Variants in HYDIN observed in about 807,000 individuals in gnomAD.
The protein encoded by HYDIN is HYDIN axonemal central pair apparatus protein, also known as axonemal central pair apparatus protein HYDIN.
A neutral mutation model predicts 403.9 loss-of-function variants in HYDIN; 132 were observed. That is an observed-to-expected ratio of 0.33 (90% CI 0.28 to 0.38). The LOEUF is 0.38. Ranked by LOEUF, HYDIN falls within the 10% of genes least tolerant of loss-of-function variation. The pLI, the probability that HYDIN is intolerant of heterozygous loss-of-function variation, is 1.00. For missense variants in HYDIN, 2,827 were observed against 5,009.5 expected, an observed-to-expected ratio of 0.56 and a Z score of 13.15; for synonymous variants, 1,202 against 1,891.7, an observed-to-expected ratio of 0.64 and a Z score of 9.46.
chr16:70,844,914 T>G (rs1234429740), intron 75 of HYDIN, among the ~76,000 whole-genome samples: 3 of 149,642 alleles, frequency 2.0e-5, no homozygotes, highest in Non-Finnish European at 4.4e-5. Flanking sequence ...TTGCTGAAGT[T>G]GCTTATCAGC....
At chr16:70,846,419 A>C (rs2038208259) in intron 75 of HYDIN, among the ~76,000 whole-genome samples, 1 of 151,356 alleles carries the variant, frequency 6.6e-6, no homozygotes, top group African/African-American at 2.4e-5. Flanking sequence ...GTTTGTTATA[A>C]TCTCTGTTCT....
At chr16:71,229,400 T>C (rs2041183141) in intron 1 of HYDIN, among the ~76,000 whole-genome samples, 1 of 152,154 alleles carries the variant, frequency 6.6e-6, no homozygotes, top group South Asian at 2.1e-4. Context: ...AACCTATCAA[T>C]CCTACTCCCA....
intron 14 of HYDIN, 142 bp downstream of exon 14, chr16:71,069,125 T>C (rs1399066667): frequency 7.2e-6 from 5 of 699,090 alleles, no homozygotes; most frequent in African/African-American, 1.8e-5. Context: ...TATTTCCTTA[T>C]AGGCCCACGT....
In HYDIN at chr16:70,829,816, C is replaced by T. The variant is rs771353898; in HGVS notation, c.13914G>A (p.Thr4638=). The change falls in exon 81 of 86, where the codon ACG becomes ACA. Residue 4638 remains threonine, a synonymous_variant. Coordinates refer to ENST00000393567, the MANE Select transcript of HYDIN (RefSeq NM_001270974.2). ...PPAVKEVVNF[T]CQVRSKHTQT... is the part of the protein sequence containing the mutation. ...GCGTGTGCTTGGAGCGCACCTGGCA[C>T]GTGAAATTCACTACCTGGAAGAAAG... 2.7e-5 allele frequency: 44 copies of T among 1,613,846 alleles called. No homozygotes were observed. The highest frequency in any genetic ancestry group is 2.1e-4 in the African/African-American group (16 of 74,930).
chr16:71,223,182 C>T (rs1357508374), intron 1 of HYDIN, among the ~76,000 whole-genome samples: 1 of 152,086 alleles, frequency 6.6e-6, no homozygotes, highest in Non-Finnish European at 1.5e-5. Context: ...TAATTACAGC[C>T]AACTGATATT....
At chr16:70,999,975 T>A (rs979721886) in intron 23 of HYDIN, among the ~76,000 whole-genome samples, 1 of 152,072 alleles carries the variant, frequency 6.6e-6, no homozygotes, top group Non-Finnish European at 1.5e-5. Flanking sequence ...TTAGAAAGGC[T>A]GCCAAACAGG....
chr16:71,133,264 G>C (rs1005214508), intron 8 of HYDIN: 1 of 456,238 alleles, frequency 2.2e-6, no homozygotes, highest in Non-Finnish European at 4.4e-6. Context: ...ACTTGGCCTG[G>C]AACAAATGGA....
In HYDIN at chr16:70,892,468, G is replaced by A; in HGVS notation, c.9310C>T (p.Pro3104Ser). The stretch of plus-strand genomic sequence containing the variant: ...GTTGGGGTCAGTGAACCCTTTTTGG[G>A]TTGGACTGAGATCATGGAATTTATA... Reference protein sequence around the residue: ...PNINSMISVQPKKGSLTPTEK... With the variant: ...PNINSMISVQSKKGSLTPTEK... Residue 3104 changes from proline (P) to serine (S), a missense_variant, in exon 56 of 86, where the codon CCC (proline) becomes TCC (serine). Pro to Ser is a moderately conservative substitution (Grantham distance 74). Coordinates refer to ENST00000393567, the MANE Select transcript of HYDIN (RefSeq NM_001270974.2). 6.3e-7 allele frequency: 1 copy of A among 1,599,040 alleles called. No homozygotes were observed. The highest frequency in any genetic ancestry group is 8.5e-7 in the Non-Finnish European group (1 of 1,175,106).
Position 70,992,982 on chromosome 16 carries a change from C to T in HYDIN, c.3645-772G>A, listed in dbSNP as rs1217550451. Among the ~76,000 whole-genome samples the T allele has an allele frequency of 2.0e-5, 3 of 152,194 alleles. No homozygotes were observed. The South Asian group carries it at 6.2e-4, about 32-fold the overall frequency. On this transcript the variant is annotated intron_variant, in intron 23 of 85. Coordinates refer to ENST00000393567, the MANE Select transcript of HYDIN (RefSeq NM_001270974.2). ...CCCTCTCTGACCCTCCCCAACCTAT[C>T]TCAAGCCCTTGATGTTAATTTCAAT...
intron 84 of HYDIN, among the ~76,000 whole-genome samples, chr16:70,817,895 C>T (rs1322264208): frequency 1.3e-5 from 2 of 152,054 alleles, no homozygotes; most frequent in African/African-American, 2.4e-5. Context: ...GCGCCCACCA[C>T]CATGCTGGGC....
At chr16:71,140,984 A>G (rs1241668839) in intron 7 of HYDIN, among the ~76,000 whole-genome samples, 3 of 151,760 alleles carry the variant, frequency 2.0e-5, no homozygotes, top group East Asian at 3.9e-4. Flanking sequence ...GATCTAAGGA[A>G]AAAAAATGGT....
intron 35 of HYDIN, among the ~76,000 whole-genome samples, chr16:70,971,320 C>G (rs1294112566): frequency 6.6e-6 from 1 of 152,276 alleles, no homozygotes; most frequent in Non-Finnish European, 1.5e-5. Context: ...AATGCCAGAG[C>G]TGGGGCATTC....
chr16:71,067,443 A>G, intron 14 of HYDIN, 53 bp from the exon 15 acceptor site: 1 of 1,103,748 alleles, frequency 9.1e-7, no homozygotes. Flanking sequence ...TTCTCTCTAC[A>G]CGGGGGAGGG....
At chr16:71,225,433 C>G (rs2040990294) in intron 1 of HYDIN, among the ~76,000 whole-genome samples, 1 of 152,192 alleles carries the variant, frequency 6.6e-6, no homozygotes, top group South Asian at 2.1e-4. Context: ...TCTTACTGTT[C>G]ATTTTGAGGA....
chr16:70,855,486 G>C (rs1288321289), intron 72 of HYDIN, among the ~76,000 whole-genome samples: 1 of 152,280 alleles, frequency 6.6e-6, no homozygotes, highest in East Asian at 1.9e-4. Context: ...CTTCTGCTGA[G>C]TGGCTCCTCT....
chr16:70,967,793 C>T (rs1317752138), intron 36 of HYDIN, among the ~76,000 whole-genome samples: 2 of 151,918 alleles, frequency 1.3e-5, no homozygotes, highest in Admixed American at 1.3e-4. Context: ...TGCTATGTTG[C>T]CCAGGCTGGG....
At chr16:70,930,939 G>A (rs1175339818) in intron 45 of HYDIN, among the ~76,000 whole-genome samples, 2 of 152,114 alleles carry the variant, frequency 1.3e-5, no homozygotes, top group African/African-American at 4.8e-5. Flanking sequence ...GGAAAAGACA[G>A]TCAACTATGC....
chr16:71,068,822 T>A (rs532749776), intron 14 of HYDIN, among the ~76,000 whole-genome samples: 2 of 152,198 alleles, frequency 1.3e-5, no homozygotes, highest in African/African-American at 2.4e-5. Flanking sequence ...ACATCCACCA[T>A]GAATGAAGCC....
At chr16:70,884,866 G>T (rs968074105) in intron 58 of HYDIN, among the ~76,000 whole-genome samples, 3 of 152,264 alleles carry the variant, frequency 2.0e-5, no homozygotes, top group Non-Finnish European at 4.4e-5. Context: ...CCCAGGCTCT[G>T]TTCTCATCTT....
Sources: allele counts gnomAD v4.1 joint callset (sites outside exome capture counted in the v4.1 genomes callset), GRCh38; gene constraint gnomAD v4.1.1; transcripts MANE v1.5; gene names NCBI Gene and HGNC (gene_info 2026-07-23, HGNC 2026-07-21).